HIBADH: variants seen among roughly 807,000 people sequenced by gnomAD.
The protein encoded by HIBADH is 3-hydroxyisobutyrate dehydrogenase, mitochondrial.
In HIBADH, 25 loss-of-function variants were observed where a neutral mutation model predicts 36.1. The ratio of observed to expected loss-of-function variants is 0.69; its 90% CI spans 0.50 to 0.97. The LOEUF is 0.97. HIBADH is among the 50% of genes least tolerant of loss of function. The pLI is 0.00. For missense variants in HIBADH, 421 were observed against 418.0 expected (o/e 1.01, Z -0.06); for synonymous variants, 160 against 149.5 (o/e 1.07, Z -0.51).
At chr7:27,534,348 A>G (rs553824282) in intron 6 of HIBADH, among the ~76,000 whole-genome samples, 1 of 152,190 alleles carries the variant, frequency 6.6e-6, no homozygotes, top group Admixed American at 6.5e-5. Context: ...AACATCTAAG[A>G]CCATGTCAGT....
At chr7:27,571,062 T>G (rs1784621506) in intron 4 of HIBADH, among the ~76,000 whole-genome samples, 1 of 152,156 alleles carries the variant, frequency 6.6e-6, no homozygotes, top group Non-Finnish European at 1.5e-5. Flanking sequence ...CAACTCTTTC[T>G]GTAGTACCTT....
chr7:27,594,349 G>T (rs1286780518), intron 4 of HIBADH, among the ~76,000 whole-genome samples: 2 of 151,918 alleles, frequency 1.3e-5, no homozygotes, highest in African/African-American at 4.8e-5. Flanking sequence ...CACCACATTG[G>T]TCAGGCTGGT....
intron 3 of HIBADH, 60 bp from the exon 4 acceptor site, chr7:27,629,552 T>C: frequency 3.3e-6 from 4 of 1,221,938 alleles, no homozygotes; most frequent in Non-Finnish European, 4.5e-6. Flanking sequence ...TTCATGCAAC[T>C]ACCTACAGAA....
chr7:27,548,697 TA>T (rs1340255675), intron 4 of HIBADH, among the ~76,000 whole-genome samples: 7 of 152,106 alleles, frequency 4.6e-5, no homozygotes, highest in Non-Finnish European at 8.8e-5. Flanking sequence ...ATGGTAGATA[TA>T]AAACCTAGTC....
At chr7:27,582,403 C>A (rs1386154306) in intron 4 of HIBADH, among the ~76,000 whole-genome samples, 1 of 152,106 alleles carries the variant, frequency 6.6e-6, no homozygotes, top group Non-Finnish European at 1.5e-5. Flanking sequence ...GGTAAATATA[C>A]ATATTACCTT....
chr7:27,590,396 C>T (rs1784922619), intron 4 of HIBADH, among the ~76,000 whole-genome samples: 1 of 152,162 alleles, frequency 6.6e-6, no homozygotes, highest in Non-Finnish European at 1.5e-5. Context: ...TGTTCTGCTG[C>T]CCATCAGTCA....
intron 4 of HIBADH, among the ~76,000 whole-genome samples, chr7:27,549,361 T>C (rs1395859049): frequency 6.6e-6 from 1 of 152,176 alleles, no homozygotes; most frequent in Non-Finnish European, 1.5e-5. Context: ...TTTCAAAATA[T>C]GTTGTACATG....
At chr7:27,600,858 CT>C (rs1045932058) in intron 4 of HIBADH, among the ~76,000 whole-genome samples, 2 of 152,096 alleles carry the variant, frequency 1.3e-5, no homozygotes, top group African/African-American at 4.8e-5. Flanking sequence ...TCTTTCCAAA[CT>C]GCTGACAATC....
chr7:27,582,456 A>C (rs777590460), intron 4 of HIBADH, among the ~76,000 whole-genome samples: 1 of 152,154 alleles, frequency 6.6e-6, no homozygotes, highest in African/African-American at 2.4e-5. Context: ...CAAGAGTTTC[A>C]AGTAAGGGAT....
At chr7:27,656,350 G>A (rs1786303570) in intron 1 of HIBADH, among the ~76,000 whole-genome samples, 1 of 151,990 alleles carries the variant, frequency 6.6e-6, no homozygotes, top group Admixed American at 6.6e-5. Context: ...TATTAATAAG[G>A]CACTTCATTC....
intron 2 of HIBADH, among the ~76,000 whole-genome samples, chr7:27,641,428 A>G (rs1031751451): frequency 8.5e-5 from 13 of 152,202 alleles, no homozygotes; most frequent in Non-Finnish European, 1.5e-4. Flanking sequence ...TTAAAAATGT[A>G]TGAGTCAACT....
chr7:27,602,960 G>A (rs1785158054), intron 4 of HIBADH, among the ~76,000 whole-genome samples: 1 of 152,110 alleles, frequency 6.6e-6, no homozygotes, highest in African/African-American at 2.4e-5. Context: ...TTTATGTGGA[G>A]TTGGAAACAA....
intron 6 of HIBADH, among the ~76,000 whole-genome samples, chr7:27,533,078 C>T (rs1181712193): frequency 6.6e-6 from 1 of 152,136 alleles, no homozygotes; most frequent in African/African-American, 2.4e-5. Flanking sequence ...AATTTCAGGG[C>T]TTCCTAACTT....
intron 4 of HIBADH, among the ~76,000 whole-genome samples, chr7:27,613,181 T>A (rs13229579): frequency 6.5e-5 from 2 of 30,822 alleles, no homozygotes; most frequent in Non-Finnish European, 1.1e-4. Context: ...ATAAATATAT[T>A]TATATAAATA....
intron 5 of HIBADH, among the ~76,000 whole-genome samples, chr7:27,539,141 G>C (rs944310336): frequency 3.9e-5 from 6 of 152,098 alleles, no homozygotes; most frequent in African/African-American, 1.4e-4. Flanking sequence ...CAAAGTTTCA[G>C]AATGGGGAAG....
intron 4 of HIBADH, among the ~76,000 whole-genome samples, chr7:27,565,522 T>G (rs1562623552): frequency 6.6e-6 from 1 of 152,238 alleles, no homozygotes. Flanking sequence ...GTTGACCTTG[T>G]GTTCTATGAC....
chr7:27,618,540 C>T (rs972166805), intron 4 of HIBADH, among the ~76,000 whole-genome samples: 2 of 152,228 alleles, frequency 1.3e-5, no homozygotes, highest in African/African-American at 4.8e-5. Context: ...ACCTGCTCAC[C>T]TACCCAGCCC....
chr7:27,629,621 C>T (rs1329925726), intron 3 of HIBADH, 129 bp from the exon 4 acceptor site: 3 of 538,662 alleles, frequency 5.6e-6, no homozygotes, highest in Non-Finnish European at 9.0e-6. Flanking sequence ...GTATTAAAAA[C>T]ATTATTAATT....
rs189765818 is a variant in HIBADH at position 27,526,111 on chromosome 7, G to A, written c.*103C>T. The A allele has an allele frequency of 4.3e-6, 4 of 934,170 alleles. No homozygotes were observed. Among genetic ancestry groups the A allele is most frequent in the East Asian group, 5.8e-5 (2 of 34,202 alleles). The allele number at this position is 934,170 out of a possible 1,614,324, so 57.9% of individuals were successfully genotyped here. ...ACTGTGACCTAGACAATCAAAAGCAGATAGGTGACCTTTGATTAAATCCAT... is the reference window on the plus strand; with the variant it reads ...ACTGTGACCTAGACAATCAAAAGCAAATAGGTGACCTTTGATTAAATCCAT... On this transcript the variant is annotated 3_prime_UTR_variant, in exon 8 of 8. Transcript: ENST00000265395.
Sources: gnomAD v4.1 joint callset for allele counts (sites outside exome capture counted in the v4.1 genomes callset) on GRCh38, gnomAD v4.1.1 for gene constraint, MANE v1.5 for transcripts, NCBI Gene and HGNC (gene_info 2026-07-23, HGNC 2026-07-21) for gene names.